Variants in VAC14 observed in about 807,000 individuals in gnomAD.
VAC14 encodes the protein protein VAC14 homolog.
In VAC14, 47 loss-of-function variants were observed where a neutral mutation model predicts 85.3. The observed-to-expected ratio is 0.55, with a 90% CI of 0.44 to 0.70. The LOEUF is 0.70. Ranked by LOEUF, VAC14 falls within the 30% of genes least tolerant of loss-of-function variation. The pLI is 0.00. For synonymous variants in VAC14, 447 were observed against 430.5 expected (o/e 1.04, Z -0.47); for missense variants, 861 against 1,004.3 (o/e 0.86, Z 1.93).
chr16:70,771,342 A>T (rs2033207483), intron 10 of VAC14: 1 of 152,224 alleles, frequency 6.6e-6, no homozygotes, highest in East Asian at 1.9e-4. Context: ...ATTTATCCTT[A>T]ATCTTGGACA....
At chr16:70,743,933 CA>C (rs2030613797) in intron 13 of VAC14, among the ~76,000 whole-genome samples, 1 of 152,122 alleles carries the variant, frequency 6.6e-6, no homozygotes. Context: ...GTGCTACGGC[CA>C]CCTTTACTTC....
intron 14 of VAC14, among the ~76,000 whole-genome samples, chr16:70,717,176 A>G (rs936218715): frequency 1.3e-5 from 2 of 152,250 alleles, no homozygotes; most frequent in African/African-American, 4.8e-5. Flanking sequence ...TTTCAGGGCA[A>G]TCAGCACCAG....
intron 4 of VAC14, 125 bp from the exon 5 acceptor site, chr16:70,784,345 G>A: frequency 1.4e-6 from 1 of 716,572 alleles, no homozygotes; most frequent in Non-Finnish European, 2.4e-6. Context: ...CAGATCCTGA[G>A]CTAGGCATAA....
intron 1 of VAC14, among the ~76,000 whole-genome samples, chr16:70,795,869 C>T (rs753600942): frequency 1.3e-5 from 2 of 152,154 alleles, no homozygotes; most frequent in African/African-American, 4.8e-5. Context: ...CCATGAGTGG[C>T]GCTGTCTCTC....
chr16:70,759,621 A>G (rs749828027), intron 12 of VAC14, among the ~76,000 whole-genome samples: 2 of 152,114 alleles, frequency 1.3e-5, no homozygotes, highest in African/African-American at 4.8e-5. Context: ...GTGAGATTCC[A>G]TGTCAAAAAA....
intron 12 of VAC14, among the ~76,000 whole-genome samples, chr16:70,758,297 T>A (rs1356005315): frequency 6.6e-6 from 1 of 152,096 alleles, no homozygotes. Flanking sequence ...AACACGCCTA[T>A]GAGGCTGGTG....
At chr16:70,704,082 T>C (rs1391704971) in intron 14 of VAC14, among the ~76,000 whole-genome samples, 2 of 152,220 alleles carry the variant, frequency 1.3e-5, no homozygotes, top group Non-Finnish European at 2.9e-5. Flanking sequence ...GTGCCAGCCA[T>C]GGACAGCCGC....
intron 13 of VAC14, among the ~76,000 whole-genome samples, chr16:70,734,160 A>T (rs1181890931): frequency 3.9e-5 from 6 of 151,956 alleles, no homozygotes. Flanking sequence ...AGCCTAATAA[A>T]CAGTGTCTTG....
intron 15 of VAC14, among the ~76,000 whole-genome samples, chr16:70,698,383 TG>T (rs1187312884): frequency 6.6e-6 from 1 of 152,056 alleles, no homozygotes; most frequent in African/African-American, 2.4e-5. Flanking sequence ...GCAGGGCTGC[TG>T]GGGGGTCAGG....
At chr16:70,709,480 A>G (rs955343765) in intron 14 of VAC14, among the ~76,000 whole-genome samples, 4 of 152,176 alleles carry the variant, frequency 2.6e-5, no homozygotes, top group African/African-American at 9.7e-5. Context: ...CTCCCGCTGG[A>G]GCCACCTCTG....
At chr16:70,703,901 C>A (rs1322329575) in intron 14 of VAC14, among the ~76,000 whole-genome samples, 1 of 152,222 alleles carries the variant, frequency 6.6e-6, no homozygotes, top group Non-Finnish European at 1.5e-5. Flanking sequence ...AAGGCTCATG[C>A]TGAGACCAGG....
At chr16:70,737,072 G>A (rs1286325852) in intron 13 of VAC14, among the ~76,000 whole-genome samples, 1 of 152,214 alleles carries the variant, frequency 6.6e-6, no homozygotes, top group African/African-American at 2.4e-5. Flanking sequence ...GGCTCAGGAG[G>A]AGGAGATGGG....
chr16:70,731,946 G>C (rs933113183), intron 13 of VAC14, among the ~76,000 whole-genome samples: 3 of 151,632 alleles, frequency 2.0e-5, no homozygotes, highest in Non-Finnish European at 2.9e-5. Context: ...ATGTGTATAA[G>C]ACCCTGCTAG....
intron 9 of VAC14, among the ~76,000 whole-genome samples, chr16:70,777,055 C>T (rs1438251162): frequency 1.3e-5 from 2 of 151,502 alleles, no homozygotes; most frequent in African/African-American, 2.4e-5. Context: ...GATCCGCCCA[C>T]CTCAGCCTCC....
intron 13 of VAC14, 52 bp from the exon 14 acceptor site, chr16:70,731,679 G>T (rs1357918011): frequency 6.6e-7 from 1 of 1,516,304 alleles, no homozygotes; most frequent in Admixed American, 1.9e-5. Flanking sequence ...TGTCCACAGG[G>T]TGATGAGATC....
rs533499008 is a variant in VAC14, at chr16:70,710,817, C to G, written c.1662-12006G>C. On this transcript the variant is annotated intron_variant, in intron 14 of 18. Coordinates refer to ENST00000261776, the MANE Select transcript of VAC14 (RefSeq NM_018052.5). The stretch of plus-strand genomic sequence containing the variant: ...GCCATAGCCCCGTGTCAACATTTCC[C>G]TCCCCCAAATTATTTAACCAGATGG... Among the ~76,000 whole-genome samples the G allele has an allele frequency of 9.1e-4, 139 of 152,372 alleles. 1 individual carries two copies. Among genetic ancestry groups the G allele is most frequent in the Non-Finnish European group, 2.5e-4 (17 of 68,042 alleles).
At chr16:70,783,696 G>A (rs2143262966) in intron 5 of VAC14, 142 bp from the exon 6 acceptor site, 2 of 795,614 alleles carry the variant, frequency 2.5e-6, no homozygotes, top group Non-Finnish European at 4.1e-6. Context: ...TGTGGGAGGA[G>A]GGTGCTGGCA....
At chr16:70,771,933 C>T in intron 10 of VAC14, 176 bp downstream of exon 10, 1 of 619,786 alleles carries the variant, frequency 1.6e-6, no homozygotes, top group Non-Finnish European at 2.8e-6. Context: ...GTGGGGTGGG[C>T]TTGCTCAGTG....
chr16:70,719,873 T>C (rs554795715), intron 14 of VAC14, among the ~76,000 whole-genome samples: 12 of 152,280 alleles, frequency 7.9e-5, no homozygotes, highest in African/African-American at 2.6e-4. Flanking sequence ...CTAATAGAAA[T>C]GTGTCTATAT....
Sources: allele counts gnomAD v4.1 joint callset (sites outside exome capture counted in the v4.1 genomes callset), GRCh38; gene constraint gnomAD v4.1.1; transcripts MANE v1.5; gene names NCBI Gene and HGNC (gene_info 2026-07-23, HGNC 2026-07-21).